The following CHST11 variants were observed in gnomAD, a reference collection of about 807,000 sequenced individuals.
The protein encoded by CHST11 is carbohydrate sulfotransferase 11.
Under a neutral mutation model 30.4 loss-of-function variants are expected in CHST11, and 9 were observed. The ratio of observed to expected loss-of-function variants is 0.30; its 90% confidence interval spans 0.18 to 0.52. The LOEUF (loss-of-function observed/expected upper bound fraction) is 0.52. CHST11 is among the 20% of genes least tolerant of loss of function. CHST11 has a pLI of 0.97. For missense variants in CHST11, 348 were observed against 460.6 expected (o/e 0.76, Z 2.24); for synonymous variants, 152 against 187.8 (o/e 0.81, Z 1.56).
At position 104,514,422 on chromosome 12, in the gene CHST11, A is replaced by G. The variant is rs949547896; in HGVS notation, c.118+56893A>G. On this transcript the variant is annotated intron_variant, in intron 1 of 2. Coordinates refer to ENST00000303694, the MANE Select transcript of CHST11 (RefSeq NM_018413.6). ...CTTCTGTTTGATGGTTGCCTTCCTCATCCTCTTCACCATGTGAGACTCTGT... is the reference window on the plus strand; with the variant it reads ...CTTCTGTTTGATGGTTGCCTTCCTCGTCCTCTTCACCATGTGAGACTCTGT... The G allele has an allele frequency of 1.7e-5, 16 of 915,028 alleles. No individual in the cohort carries two copies. In the African/African-American group the frequency reaches 2.4e-4, roughly 14 times the overall value. The allele number at this position is 915,028 out of a possible 1,614,324, so 56.7% of individuals were successfully genotyped here.
At chr12:104,545,063 C>G (rs886595715) in intron 1 of CHST11, among the ~76,000 whole-genome samples, 3 of 152,098 alleles carry the variant, frequency 2.0e-5, no homozygotes, top group African/African-American at 4.8e-5. Flanking sequence ...GCAAGAATCC[C>G]CTGGAGCCAG....
intron 1 of CHST11, among the ~76,000 whole-genome samples, chr12:104,584,687 C>A (rs1472170362): frequency 8.0e-6 from 1 of 125,754 alleles, no homozygotes; most frequent in Non-Finnish European, 1.7e-5. Context: ...ATTTAAACTC[C>A]ATTTTCATGT....
intron 2 of CHST11, among the ~76,000 whole-genome samples, chr12:104,660,679 T>C (rs2039590922): frequency 6.6e-6 from 1 of 152,144 alleles, no homozygotes; most frequent in Non-Finnish European, 1.5e-5. Context: ...TCCCAGGCCC[T>C]TTTTCACACC....
intron 1 of CHST11, among the ~76,000 whole-genome samples, chr12:104,565,258 ATTTTTTTT>A (rs66825272): frequency 4.1e-5 from 3 of 72,930 alleles, no homozygotes; most frequent in African/African-American, 5.9e-5. Context: ...GTTTTCTAGG[ATTTTTTTT>A]TTTTTTTTTT....
intron 2 of CHST11, among the ~76,000 whole-genome samples, chr12:104,689,623 A>G (rs1348567829): frequency 6.6e-6 from 1 of 152,192 alleles, no homozygotes; most frequent in Non-Finnish European, 1.5e-5. Flanking sequence ...CCAGTGCCCA[A>G]GGCGGCTAGC....
chr12:104,501,891 G>T (rs1173300822), intron 1 of CHST11, among the ~76,000 whole-genome samples: 2 of 152,210 alleles, frequency 1.3e-5, no homozygotes, highest in Admixed American at 1.3e-4. Flanking sequence ...AATCAGACAC[G>T]TGGCCCTTGC....
chr12:104,549,274 C>T (rs1480531630), intron 1 of CHST11, among the ~76,000 whole-genome samples: 1 of 152,088 alleles, frequency 6.6e-6, no homozygotes, highest in Non-Finnish European at 1.5e-5. Context: ...CATTATGGAT[C>T]GACATGCTCC....
rs138962073 is a variant in CHST11, at chr12:104,559,875, T to A, written c.119-42031T>A. Among the ~76,000 whole-genome samples, 311 of 152,330 alleles carry A rather than the reference T, an allele frequency of 2.0e-3. 2 individuals are homozygous for A. The highest frequency in any genetic ancestry group is 7.3e-3 in the African/African-American group (304 of 41,566). Reference sequence around the variant, plus strand: ...ATGAAGTGGGAAAGCTATAGGTTGGTGCAAAAGTAATTGTGGTTTTTGCCA... The same window carrying A: ...ATGAAGTGGGAAAGCTATAGGTTGGAGCAAAAGTAATTGTGGTTTTTGCCA... On this transcript the variant is annotated intron_variant, in intron 1 of 2. Coordinates refer to ENST00000303694, the MANE Select transcript of CHST11 (RefSeq NM_018413.6).
intron 2 of CHST11, among the ~76,000 whole-genome samples, chr12:104,661,075 G>A (rs1487727232): frequency 2.0e-5 from 3 of 152,170 alleles, no homozygotes; most frequent in Non-Finnish European, 4.4e-5. Context: ...TATGAGAAGA[G>A]CGATTCACCT....
At chr12:104,623,848 G>T (rs563983117) in intron 2 of CHST11, among the ~76,000 whole-genome samples, 1 of 152,158 alleles carries the variant, frequency 6.6e-6, no homozygotes, top group African/African-American at 2.4e-5. Context: ...ACTTGTTTTG[G>T]GGTATGAGAA....
At chr12:104,556,674 C>T (rs1418550488) in intron 1 of CHST11, among the ~76,000 whole-genome samples, 2 of 152,126 alleles carry the variant, frequency 1.3e-5, no homozygotes, top group African/African-American at 4.8e-5. Context: ...ATGTGTGTCT[C>T]TGTATTCAGA....
At chr12:104,475,691 T>TATATATA (rs6144846) in intron 1 of CHST11, among the ~76,000 whole-genome samples, 9 of 127,770 alleles carry the variant, frequency 7.0e-5, no homozygotes, top group South Asian at 2.4e-4. Context: ...TATATATATA[T>TATATATA]TTCTGATTAT....
rs188186037 is a variant in CHST11, at chr12:104,569,034, C to G, written c.119-32872C>G. Among the ~76,000 whole-genome samples the G allele has an allele frequency of 2.6e-4, 40 of 152,262 alleles. No individual in the cohort carries two copies. In the South Asian group the frequency reaches 7.5e-3, roughly 28 times the overall value. ...TATTAGCTCATTAATCCCCACAACA[C>G]TCCTGAGAGGTAAGTATTATTATTT... On this transcript the variant is annotated intron_variant, in intron 1 of 2. Coordinates refer to ENST00000303694, the MANE Select transcript of CHST11 (RefSeq NM_018413.6).
chr12:104,472,866 G>A (rs1287164795), intron 1 of CHST11, among the ~76,000 whole-genome samples: 3 of 152,126 alleles, frequency 2.0e-5, no homozygotes, highest in East Asian at 3.9e-4. Flanking sequence ...TCTGAAGGAT[G>A]AGTAGAAATT....
At chr12:104,754,414 C>T (rs1397649184) in intron 2 of CHST11, among the ~76,000 whole-genome samples, 1 of 152,164 alleles carries the variant, frequency 6.6e-6, no homozygotes, top group Admixed American at 6.5e-5. Context: ...CACTGTGGTC[C>T]GTGGATGGCT....
intron 2 of CHST11, among the ~76,000 whole-genome samples, chr12:104,727,454 G>A (rs1310416817): frequency 6.6e-6 from 1 of 152,226 alleles, no homozygotes; most frequent in Non-Finnish European, 1.5e-5. Flanking sequence ...TATGGGGCCA[G>A]CAGGAAGGCT....
At chr12:104,646,777 T>G (rs1279086112) in intron 2 of CHST11, among the ~76,000 whole-genome samples, 1 of 152,216 alleles carries the variant, frequency 6.6e-6, no homozygotes, top group Non-Finnish European at 1.5e-5. Context: ...CCAGGACCAA[T>G]GTGCCAGGCT....
chr12:104,572,028 A>C (rs1001331955), intron 1 of CHST11, among the ~76,000 whole-genome samples: 2 of 152,006 alleles, frequency 1.3e-5, no homozygotes, highest in South Asian at 4.2e-4. Context: ...ATTGATTTGC[A>C]TATGTTGAAC....
rs528995266 is a variant in CHST11, at chr12:104,567,558, A to G, written c.119-34348A>G. On this transcript the variant is annotated intron_variant, in intron 1 of 2. Coordinates refer to ENST00000303694, the MANE Select transcript of CHST11 (RefSeq NM_018413.6). ...GCCTGCCCAAAGTACCTCTAGTTCC[A>G]TTCCTGTTGAAACACTTAATTCTGT... Among the ~76,000 whole-genome samples, 42 of 152,128 alleles carry G rather than the reference A, an allele frequency of 2.8e-4. No individual in the cohort carries two copies. The East Asian group carries it at 7.7e-3, about 28-fold the overall frequency.
Sources: allele counts gnomAD v4.1 joint callset (sites outside exome capture counted in the v4.1 genomes callset), GRCh38; gene constraint gnomAD v4.1.1; transcripts MANE v1.5; gene names NCBI Gene and HGNC (gene_info 2026-07-23, HGNC 2026-07-21).